PXDNL: variants seen among roughly 807,000 people sequenced by gnomAD.
PXDNL encodes the protein peroxidasin like.
PXDNL carries 145 observed loss-of-function variants against 150.8 expected under a neutral mutation model. That is an observed-to-expected ratio of 0.96 (90% CI 0.84 to 1.10). The LOEUF (loss-of-function observed/expected upper bound fraction) is 1.10. PXDNL is among the 50% of genes least tolerant of loss of function. The pLI is 0.00. For synonymous variants in PXDNL, 757 were observed against 725.7 expected (o/e 1.04, Z -0.69); for missense variants, 2,087 against 1,873.9 (o/e 1.11, Z -2.10).
intron 9 of PXDNL, among the ~76,000 whole-genome samples, chr8:51,455,689 A>T (rs1210267283): frequency 6.6e-6 from 1 of 152,190 alleles, no homozygotes; most frequent in African/African-American, 2.4e-5. Flanking sequence ...TCCTGTGTGC[A>T]GGGTCAGACT....
At chr8:51,376,725 CTT>C (rs11330281) in intron 17 of PXDNL, among the ~76,000 whole-genome samples, 21 of 143,512 alleles carry the variant, frequency 1.5e-4, no homozygotes, top group Non-Finnish European at 1.8e-4. Flanking sequence ...CTCTCTCTCT[CTT>C]TTTTTTTTTT....
intron 11 of PXDNL, among the ~76,000 whole-genome samples, chr8:51,448,306 G>C (rs767572004): frequency 2.6e-5 from 4 of 152,142 alleles, no homozygotes. Flanking sequence ...CACACTTCAG[G>C]AACAGCAGCT....
intron 17 of PXDNL, among the ~76,000 whole-genome samples, chr8:51,399,323 A>G (rs561997240): frequency 1.3e-5 from 2 of 152,236 alleles, no homozygotes. Context: ...AATACGGGAA[A>G]CAACCCAAAT....
intron 1 of PXDNL, among the ~76,000 whole-genome samples, chr8:51,774,227 C>A (rs534599419): frequency 6.6e-6 from 1 of 152,182 alleles, no homozygotes; most frequent in South Asian, 2.1e-4. Flanking sequence ...GTTTCTGCTA[C>A]TGTTTGAGGC....
rs369648296 is a variant in PXDNL, at chr8:51,600,529, A to G, written c.237-7831T>C. 3.1e-3 allele frequency among the ~76,000 whole-genome samples: 360 copies of G among 117,100 alleles called. 18 individuals are homozygous for G. The highest frequency in any genetic ancestry group is 8.2e-3 in the African/African-American group (224 of 27,186). 76.8% of individuals were successfully genotyped at this position (117,100 alleles called of 152,430 possible). A position where few individuals can be genotyped will look rare whatever the true frequency, so the allele number is the denominator to read the frequency against. ...AATTATATCTTATATAAATTATATCATTTAGATAATAAATTATATCTTATA... is the reference window on the plus strand; with the variant it reads ...AATTATATCTTATATAAATTATATCGTTTAGATAATAAATTATATCTTATA... On this transcript the variant is annotated intron_variant, in intron 2 of 22. Coordinates refer to ENST00000356297, the MANE Select transcript of PXDNL (RefSeq NM_144651.5).
Position 51,453,520 on chromosome 8 carries a change from T to A in PXDNL, c.1248A>T (p.Gln416His). 1 of 1,614,012 alleles carries A rather than the reference T, an allele frequency of 6.2e-7. No individual in the cohort carries two copies. Among genetic ancestry groups the A allele is most frequent in the South Asian group, 1.1e-5 (1 of 91,080 alleles). The change falls in exon 10 of 23, where the codon CAA becomes CAT. Residue 416 changes from glutamine to histidine, a missense_variant and splice_region_variant. By Grantham distance (24) the Gln-to-His change is conservative. Coordinates refer to ENST00000356297, the MANE Select transcript of PXDNL (RefSeq NM_144651.5). ...TVQAAANIIV[Q>H]APPQFTVTPK... ...AATCATGACCTTCTGCTCCCATACC[T>A]TGTACAATTATGTTTGCTGCAGCTT...
At position 51,748,193 on chromosome 8, in the gene PXDNL, G is replaced by A. The variant is rs554714418; in HGVS notation, c.164+60988C>T. The stretch of plus-strand genomic sequence containing the variant: ...TAAGTGACAAATCATAAGACACACC[G>A]GGGACTTACACACACATGGTCAGTT... On this transcript the variant is annotated intron_variant, in intron 1 of 22. Transcript: ENST00000356297. Among the ~76,000 whole-genome samples the A allele has an allele frequency of 8.5e-5, 13 of 152,260 alleles. No homozygotes were observed. In the South Asian group the frequency reaches 1.5e-3, roughly 17 times the overall value.
intron 14 of PXDNL, among the ~76,000 whole-genome samples, chr8:51,421,992 C>A (rs1490579639): frequency 6.6e-6 from 1 of 152,138 alleles, no homozygotes; most frequent in African/African-American, 2.4e-5. Context: ...GGCAAGCGAG[C>A]ATTACTGCCT....
intron 4 of PXDNL, among the ~76,000 whole-genome samples, chr8:51,533,089 T>C (rs762665123): frequency 6.6e-6 from 1 of 152,236 alleles, no homozygotes; most frequent in Non-Finnish European, 1.5e-5. Context: ...AACTTCTGAA[T>C]CAGAATCTTC....
chr8:51,366,392 C>G (rs780219300), intron 19 of PXDNL, among the ~76,000 whole-genome samples: 1 of 152,178 alleles, frequency 6.6e-6, no homozygotes, highest in Non-Finnish European at 1.5e-5. Context: ...TTCTCTTTTT[C>G]TGTCCATAAA....
rs200545659 is a variant in PXDNL, at chr8:51,722,828, A to AT, written c.165-68069dup. 6.3e-3 allele frequency among the ~76,000 whole-genome samples: 956 copies of AT among 151,134 alleles called. 13 individuals carry two copies. The highest frequency in any genetic ancestry group is 0.022 in the African/African-American group (905 of 41,156). The stretch of plus-strand genomic sequence containing the variant: ...GGGACATGGCAGACCAAAAGGCAGT[A>AT]TTTTTTTTTCTATTTTAGGGAGCAA... On this transcript the variant is annotated intron_variant, in intron 1 of 22. Coordinates refer to ENST00000356297, the MANE Select transcript of PXDNL (RefSeq NM_144651.5).
At chr8:51,782,239 C>T (rs2129250022) in intron 1 of PXDNL, among the ~76,000 whole-genome samples, 1 of 152,182 alleles carries the variant, frequency 6.6e-6, no homozygotes, top group East Asian at 1.9e-4. Flanking sequence ...TTCAGAGATG[C>T]CTTGGGCTTC....
intron 1 of PXDNL, among the ~76,000 whole-genome samples, chr8:51,670,916 A>G (rs1006501083): frequency 2.0e-5 from 3 of 152,228 alleles, no homozygotes; most frequent in Non-Finnish European, 4.4e-5. Context: ...ATTCTTACCG[A>G]TATCTTTTCA....
In PXDNL at chr8:51,408,492, G is replaced by A. The variant is rs147708699; in HGVS notation, c.3132C>T (p.Ile1044=). The A allele has an allele frequency of 6.2e-7, 1 of 1,613,624 alleles. No homozygotes were observed. The highest frequency in any genetic ancestry group is 2.2e-5 in the East Asian group (1 of 44,882). ...AGGCTGCAGTAGCAAAAGAGTTAAT[G>A]ATGCCTGCATTCACGTTGGGGTTGT... ...RGYNPNVNAG[I]INSFATAAFR... The change falls in exon 17 of 23, where the codon ATC becomes ATT. Residue 1044 remains isoleucine, a synonymous_variant. Transcript: ENST00000356297.
intron 1 of PXDNL, among the ~76,000 whole-genome samples, chr8:51,770,875 A>G (rs933344893): frequency 1.3e-5 from 2 of 152,214 alleles, no homozygotes; most frequent in Non-Finnish European, 2.9e-5. Context: ...GCAGCTCTTC[A>G]TGTACAAGAC....
intron 2 of PXDNL, among the ~76,000 whole-genome samples, chr8:51,634,522 A>C (rs1405138480): frequency 6.6e-6 from 1 of 152,080 alleles, no homozygotes; most frequent in East Asian, 1.9e-4. Flanking sequence ...GAAAAATGAC[A>C]TCCGTAGTTT....
At chr8:51,530,786 C>T (rs1811883236) in intron 4 of PXDNL, among the ~76,000 whole-genome samples, 1 of 152,206 alleles carries the variant, frequency 6.6e-6, no homozygotes, top group African/African-American at 2.4e-5. Flanking sequence ...ACACCACATC[C>T]CACCCTTGCA....
At chr8:51,438,322 T>C (rs1809456529) in intron 12 of PXDNL, among the ~76,000 whole-genome samples, 1 of 147,436 alleles carries the variant, frequency 6.8e-6, no homozygotes, top group Non-Finnish European at 1.5e-5. Flanking sequence ...AATTCTAAAA[T>C]TCATATGGAA....
chr8:51,738,611 C>T (rs77840656), intron 1 of PXDNL, among the ~76,000 whole-genome samples: 27 of 143,544 alleles, frequency 1.9e-4, no homozygotes, highest in African/African-American at 4.9e-4. Context: ...AACAACTTTA[C>T]GCTCATAAAC....
Sources: allele counts gnomAD v4.1 joint callset (sites outside exome capture counted in the v4.1 genomes callset), GRCh38; gene constraint gnomAD v4.1.1; transcripts MANE v1.5; gene names NCBI Gene and HGNC (gene_info 2026-07-23, HGNC 2026-07-21).